The following AMPH variants were observed in gnomAD, a reference collection of about 807,000 sequenced individuals.
AMPH encodes amphiphysin (Stiff-Mann syndrome with breast cancer 128kD autoantigen).
In AMPH, 49 loss-of-function variants were observed where a neutral mutation model predicts 99.1. The observed-to-expected ratio is 0.49, with a 90% confidence interval of 0.39 to 0.63. The LOEUF is 0.63. Among genes scored for constraint, AMPH ranks in the 20% least tolerant of loss-of-function variants. The probability of loss-of-function intolerance (pLI) is 0.00; values close to 1 mark genes in which losing one functional copy is unlikely to be tolerated. For missense variants in AMPH, 759 were observed against 863.4 expected, an observed-to-expected ratio of 0.88 and a Z score of 1.52; for synonymous variants, 314 against 317.3, an observed-to-expected ratio of 0.99 and a Z score of 0.11.
At chr7:38,605,380 T>C (rs1793398295) in intron 1 of AMPH, among the ~76,000 whole-genome samples, 2 of 152,178 alleles carry the variant, frequency 1.3e-5, no homozygotes, top group Admixed American at 1.3e-4. Flanking sequence ...TATTAGTCAA[T>C]GTACTTTGCC....
At chr7:38,612,571 A>G (rs190161263) in intron 1 of AMPH, among the ~76,000 whole-genome samples, 1 of 152,308 alleles carries the variant, frequency 6.6e-6, no homozygotes, top group East Asian at 1.9e-4. Flanking sequence ...ATGAAAGAAG[A>G]GCGAGAGAGG....
chr7:38,531,203 A>C (rs1790385585), intron 2 of AMPH: 1 of 152,182 alleles, frequency 6.6e-6, no homozygotes, highest in Non-Finnish European at 1.5e-5. Context: ...CTGGGAGGTC[A>C]CCATATTGAT....
chr7:38,627,792 T>C (rs1335004163), intron 1 of AMPH, among the ~76,000 whole-genome samples: 1 of 152,106 alleles, frequency 6.6e-6, no homozygotes, highest in Non-Finnish European at 1.5e-5. Flanking sequence ...CTTTTATTCA[T>C]TAAAAGCTAA....
chr7:38,534,566 T>G (rs1338598006), intron 2 of AMPH, among the ~76,000 whole-genome samples: 7 of 152,150 alleles, frequency 4.6e-5, no homozygotes, highest in Non-Finnish European at 1.5e-5. Flanking sequence ...TCCCAGCTAC[T>G]TGGGAGGCTG....
chr7:38,466,354 C>T (rs1787652534), intron 7 of AMPH, 106 bp from the exon 8 acceptor site: 1 of 868,402 alleles, frequency 1.2e-6, no homozygotes, highest in Admixed American at 3.0e-5. Flanking sequence ...TTCTTTTACA[C>T]CATTTTGAAT....
At chr7:38,601,038 C>T (rs1025380221) in intron 1 of AMPH, among the ~76,000 whole-genome samples, 4 of 152,180 alleles carry the variant, frequency 2.6e-5, no homozygotes, top group Non-Finnish European at 5.9e-5. Context: ...ACAGAGACGC[C>T]GAACTCTCCT....
intron 2 of AMPH, among the ~76,000 whole-genome samples, chr7:38,512,456 A>G (rs1461381702): frequency 6.6e-6 from 1 of 152,240 alleles, no homozygotes; most frequent in Non-Finnish European, 1.5e-5. Flanking sequence ...CATCCAAACT[A>G]AATAATGAGT....
At chr7:38,481,215 T>C (rs1340286332) in intron 5 of AMPH, among the ~76,000 whole-genome samples, 1 of 152,076 alleles carries the variant, frequency 6.6e-6, no homozygotes, top group Non-Finnish European at 1.5e-5. Context: ...AAAACCCAAA[T>C]CTCCTAAATA....
intron 1 of AMPH, among the ~76,000 whole-genome samples, chr7:38,583,403 T>A (rs1359630982): frequency 2.0e-5 from 3 of 151,878 alleles, no homozygotes; most frequent in Non-Finnish European, 4.4e-5. Flanking sequence ...AATAGTGAAT[T>A]TTTTTTAGTA....
chr7:38,462,848 G>T, intron 10 of AMPH, 127 bp downstream of exon 10: 1 of 1,034,126 alleles, frequency 9.7e-7, no homozygotes, highest in Non-Finnish European at 1.3e-6. Context: ...AATGCCTAAA[G>T]CCTCACATCT....
chr7:38,445,010 T>TATATATATATATATATACACAC (rs1458295332), intron 11 of AMPH, among the ~76,000 whole-genome samples: 1 of 125,990 alleles, frequency 7.9e-6, no homozygotes, highest in East Asian at 2.7e-4. Context: ...TATATATATA[T>TATATATATATATATATACACAC]ACACACACAC....
At chr7:38,463,289 T>G in intron 9 of AMPH, 176 bp from the exon 10 acceptor site, 2 of 800,968 alleles carry the variant, frequency 2.5e-6, no homozygotes, top group South Asian at 2.9e-5. Context: ...CTGGTACCAT[T>G]TATTTGCACT....
intron 7 of AMPH, among the ~76,000 whole-genome samples, chr7:38,471,723 T>A (rs1166226051): frequency 6.6e-6 from 1 of 152,064 alleles, no homozygotes; most frequent in African/African-American, 2.4e-5. Context: ...ACACAAATGA[T>A]CCAACTAAAT....
intron 1 of AMPH, among the ~76,000 whole-genome samples, chr7:38,543,187 G>A (rs1375250776): frequency 1.3e-5 from 2 of 152,164 alleles, no homozygotes; most frequent in African/African-American, 4.8e-5. Context: ...AGCCCAGGAG[G>A]TTGAGGCTAC....
intron 5 of AMPH, among the ~76,000 whole-genome samples, chr7:38,481,184 A>G (rs529511466): frequency 6.5e-4 from 99 of 152,208 alleles, no homozygotes; most frequent in African/African-American, 2.4e-3. Context: ...TACCTATCTG[A>G]TATTTGGGAA....
chr7:38,532,292 A>T (rs1790430558), intron 2 of AMPH, among the ~76,000 whole-genome samples: 3 of 152,188 alleles, frequency 2.0e-5, no homozygotes, highest in Non-Finnish European at 4.4e-5. Context: ...TAATTAAAAA[A>T]GATCAAAATG....
chr7:38,430,915 G>A (rs3807425), intron 13 of AMPH, among the ~76,000 whole-genome samples: 8,802 of 152,288 alleles, frequency 0.058, 345 homozygotes, highest in East Asian at 0.2. Flanking sequence ...GAAAGAAAGT[G>A]GCAATGTCAA....
chr7:38,571,314 T>A (rs185811275), intron 1 of AMPH, among the ~76,000 whole-genome samples: 1 of 66,118 alleles, frequency 1.5e-5, no homozygotes, highest in South Asian at 4.0e-4. Context: ...TATATATTTA[T>A]ATATAGAATA....
At chr7:38,498,876 G>A (rs1468178646) in intron 3 of AMPH, among the ~76,000 whole-genome samples, 1 of 152,082 alleles carries the variant, frequency 6.6e-6, no homozygotes, top group Non-Finnish European at 1.5e-5. Flanking sequence ...GTTTCATCCA[G>A]CTCAGTTTTC....
Sources: gnomAD v4.1 joint callset for allele counts (sites outside exome capture counted in the v4.1 genomes callset) on GRCh38, gnomAD v4.1.1 for gene constraint, MANE v1.5 for transcripts, NCBI Gene and HGNC (gene_info 2026-07-23, HGNC 2026-07-21) for gene names.